GPC6: variants seen among roughly 807,000 people sequenced by gnomAD.
GPC6 encodes glypican 6.
GPC6 carries 14 observed loss-of-function variants against 55.2 expected under a neutral mutation model. The observed-to-expected ratio is 0.25, with a 90% CI of 0.17 to 0.40. The LOEUF (loss-of-function observed/expected upper bound fraction) is 0.40. Ranked by LOEUF, GPC6 falls within the 10% of genes least tolerant of loss-of-function variation. The pLI, the probability that GPC6 is intolerant of heterozygous loss-of-function variation, is 1.00. For synonymous variants in GPC6, 278 were observed against 259.6 expected (o/e 1.07, Z -0.68); for missense variants, 641 against 708.5 (o/e 0.90, Z 1.08).
intron 2 of GPC6, among the ~76,000 whole-genome samples, chr13:93,628,973 T>C (rs1333773591): frequency 6.6e-6 from 1 of 151,720 alleles, no homozygotes; most frequent in African/African-American, 2.4e-5. Context: ...ATGTTTTCCC[T>C]TCTTCTTAAA....
intron 3 of GPC6, among the ~76,000 whole-genome samples, chr13:93,943,785 A>G (rs1206916351): frequency 6.6e-6 from 1 of 152,204 alleles, no homozygotes; most frequent in Non-Finnish European, 1.5e-5. Context: ...AGAAATGGGC[A>G]GGCACTCACT....
chr13:93,341,738 T>A (rs1324429876), intron 1 of GPC6, among the ~76,000 whole-genome samples: 1 of 151,752 alleles, frequency 6.6e-6, no homozygotes, highest in Non-Finnish European at 1.5e-5. Flanking sequence ...CGCTTTTTAG[T>A]TTAATTAGGT....
At chr13:93,279,024 A>G (rs1283308952) in intron 1 of GPC6, among the ~76,000 whole-genome samples, 1 of 152,226 alleles carries the variant, frequency 6.6e-6, no homozygotes, top group African/African-American at 2.4e-5. Context: ...AATATGATAT[A>G]TTTTTAAAGC....
At chr13:93,814,788 C>A (rs1294432817) in intron 2 of GPC6, among the ~76,000 whole-genome samples, 2 of 152,126 alleles carry the variant, frequency 1.3e-5, no homozygotes, top group African/African-American at 2.4e-5. Context: ...AGTATTCTAT[C>A]CATCAGAGCA....
chr13:94,127,583 A>G (rs1886862984), intron 4 of GPC6, among the ~76,000 whole-genome samples: 1 of 152,162 alleles, frequency 6.6e-6, no homozygotes, highest in South Asian at 2.1e-4. Flanking sequence ...CTTTACAACA[A>G]TGCAAGAACT....
At chr13:94,177,499 A>T (rs555524939) in intron 4 of GPC6, among the ~76,000 whole-genome samples, 2 of 152,298 alleles carry the variant, frequency 1.3e-5, no homozygotes, top group East Asian at 3.9e-4. Context: ...TTAGGAAAAA[A>T]GTAAAGAGAG....
At chr13:94,372,767 A>C (rs1879630526) in intron 6 of GPC6, among the ~76,000 whole-genome samples, 1 of 152,182 alleles carries the variant, frequency 6.6e-6, no homozygotes, top group Non-Finnish European at 1.5e-5. Context: ...GGCAGGGCAC[A>C]AACAAACAAA....
intron 2 of GPC6, among the ~76,000 whole-genome samples, chr13:93,687,253 GT>G (rs748454685): frequency 2.0e-5 from 3 of 151,930 alleles, no homozygotes; most frequent in Non-Finnish European, 4.4e-5. Context: ...AATCAATTCT[GT>G]CCCCCTCATC....
intron 1 of GPC6, among the ~76,000 whole-genome samples, chr13:93,294,470 C>T (rs953207754): frequency 1.1e-4 from 16 of 151,966 alleles, no homozygotes; most frequent in Admixed American, 3.3e-4. Flanking sequence ...GCAAAAAAGA[C>T]AAAACAAATC....
chr13:94,144,509 C>T (rs1887492854), intron 4 of GPC6, among the ~76,000 whole-genome samples: 1 of 147,600 alleles, frequency 6.8e-6, no homozygotes, highest in South Asian at 2.2e-4. Context: ...TTCTTAGTTC[C>T]TTTGTAGGAA....
At chr13:94,353,287 C>T (rs1594198216) in intron 6 of GPC6, among the ~76,000 whole-genome samples, 1 of 152,126 alleles carries the variant, frequency 6.6e-6, no homozygotes, top group Non-Finnish European at 1.5e-5. Context: ...TTTGCATTTA[C>T]TGCCTGGAAA....
intron 1 of GPC6, among the ~76,000 whole-genome samples, chr13:93,499,315 A>C (rs1880437518): frequency 6.6e-6 from 1 of 152,202 alleles, no homozygotes; most frequent in Admixed American, 6.5e-5. Context: ...CACTAAACTC[A>C]AGAGTTTCTG....
chr13:93,462,434 A>T (rs888281344), intron 1 of GPC6, among the ~76,000 whole-genome samples: 2 of 152,172 alleles, frequency 1.3e-5, no homozygotes, highest in Admixed American at 6.5e-5. Context: ...GGGTATAGAT[A>T]AGACTTGAAT....
At chr13:93,434,639 T>G (rs1316314084) in intron 1 of GPC6, among the ~76,000 whole-genome samples, 2 of 152,182 alleles carry the variant, frequency 1.3e-5, no homozygotes, top group Non-Finnish European at 2.9e-5. Flanking sequence ...TGGCATATAA[T>G]CTGTCTGTGT....
intron 2 of GPC6, among the ~76,000 whole-genome samples, chr13:93,622,476 C>T (rs1010538980): frequency 4.2e-5 from 6 of 141,772 alleles, no homozygotes; most frequent in Non-Finnish European, 3.1e-5. Flanking sequence ...ATACATGAAA[C>T]CAATTTCAGT....
chr13:93,373,313 G>A (rs1195994652), intron 1 of GPC6, among the ~76,000 whole-genome samples: 1 of 152,160 alleles, frequency 6.6e-6, no homozygotes, highest in African/African-American at 2.4e-5. Context: ...AATGAAATAA[G>A]CACACTAATA....
chr13:94,258,231 G>A (rs138660236), intron 4 of GPC6, among the ~76,000 whole-genome samples: 1 of 152,144 alleles, frequency 6.6e-6, no homozygotes, highest in East Asian at 1.9e-4. Context: ...GGTGAGCCCC[G>A]CAGAGGATTG....
In GPC6 at chr13:93,520,542, TAA is replaced by T. The variant is rs58324863; in HGVS notation, c.161-24710_161-24709del. The stretch of plus-strand genomic sequence containing the variant: ...CAAGCCAAGTTGCTGAAATAGACTT[TAA>T]AAAAAAAAAACACTTGAAGATTTTT... On this transcript the variant is annotated intron_variant, in intron 1 of 8. Transcript: ENST00000377047. Among the ~76,000 whole-genome samples the T allele has an allele frequency of 1.7e-4, 26 of 150,892 alleles. No individual in the cohort carries two copies. In the South Asian group the frequency reaches 4.4e-3, roughly 25 times the overall value.
chr13:93,258,554 G>A (rs997345588), intron 1 of GPC6, among the ~76,000 whole-genome samples: 5 of 152,054 alleles, frequency 3.3e-5, no homozygotes, highest in Admixed American at 1.3e-4. Context: ...CCTTTCCTGT[G>A]TAAATTAGCC....
Sources: allele counts gnomAD v4.1 joint callset (sites outside exome capture counted in the v4.1 genomes callset), GRCh38; gene constraint gnomAD v4.1.1; transcripts MANE v1.5; gene names NCBI Gene and HGNC (gene_info 2026-07-23, HGNC 2026-07-21).